Variants in STX18 observed in about 807,000 individuals in gnomAD.
STX18 encodes syntaxin-18.
In STX18, 40 loss-of-function variants were observed where a neutral mutation model predicts 50.1. The ratio of observed to expected loss-of-function variants is 0.80; its 90% CI spans 0.62 to 1.04. STX18 has a LOEUF of 1.04. STX18 is among the 50% of genes least tolerant of loss of function. The pLI is 0.00. For synonymous variants in STX18, 158 were observed against 151.8 expected (o/e 1.04, Z -0.30); for missense variants, 410 against 415.8 (o/e 0.99, Z 0.12).
chr4:4,492,169 A>G (rs180753659), intron 1 of STX18, among the ~76,000 whole-genome samples: 1 of 152,256 alleles, frequency 6.6e-6, no homozygotes, highest in African/African-American at 2.4e-5. Flanking sequence ...CTAGAGATTT[A>G]TATCCCTAGT....
intron 7 of STX18, among the ~76,000 whole-genome samples, chr4:4,431,055 C>T (rs1577315202): frequency 6.6e-6 from 1 of 152,108 alleles, no homozygotes; most frequent in Non-Finnish European, 1.5e-5. Context: ...AGTCACGCAG[C>T]TGTAAAGGTT....
chr4:4,475,042 T>C (rs997426575), intron 1 of STX18, among the ~76,000 whole-genome samples: 8 of 152,182 alleles, frequency 5.3e-5, no homozygotes, highest in African/African-American at 1.9e-4. Context: ...AGGAATCTAC[T>C]GTACAGGTTA....
intron 1 of STX18, among the ~76,000 whole-genome samples, chr4:4,515,832 C>T (rs143118255): frequency 1.6e-3 from 247 of 152,176 alleles, no homozygotes; most frequent in African/African-American, 5.4e-3. Flanking sequence ...GGTAAAATCC[C>T]CTCCCCAACC....
chr4:4,517,612 C>G (rs1385592416), intron 1 of STX18, among the ~76,000 whole-genome samples: 1 of 152,150 alleles, frequency 6.6e-6, no homozygotes, highest in African/African-American at 2.4e-5. Context: ...TTATTTATAA[C>G]CTCTTCCTGT....
intron 1 of STX18, among the ~76,000 whole-genome samples, chr4:4,488,990 T>G (rs1171727097): frequency 1.3e-5 from 2 of 152,182 alleles, no homozygotes; most frequent in African/African-American, 4.8e-5. Flanking sequence ...TAATTTAATC[T>G]CAACTGCTTT....
chr4:4,442,704 C>T (rs1349018059), intron 5 of STX18, among the ~76,000 whole-genome samples: 2 of 149,630 alleles, frequency 1.3e-5, no homozygotes, highest in Non-Finnish European at 3.0e-5. Flanking sequence ...AGTGTATTGG[C>T]GGGTGGGGAG....
intron 5 of STX18, among the ~76,000 whole-genome samples, chr4:4,442,663 A>AT (rs1027621435): frequency 6.6e-6 from 1 of 152,136 alleles, no homozygotes; most frequent in African/African-American, 2.4e-5. Flanking sequence ...GTGGTGGGGC[A>AT]TGTTGATGGC....
intron 5 of STX18, among the ~76,000 whole-genome samples, chr4:4,439,389 TACAC>T (rs1010029421): frequency 7.3e-5 from 7 of 96,290 alleles, no homozygotes; most frequent in South Asian, 3.9e-4. Context: ...ACCCCCTACA[TACAC>T]ACACACACCA....
At chr4:4,532,863 G>T (rs1333282161) in intron 1 of STX18, among the ~76,000 whole-genome samples, 7 of 152,204 alleles carry the variant, frequency 4.6e-5, no homozygotes, top group Admixed American at 2.6e-4. Context: ...AAAGGCAAGT[G>T]TTCATTTCAC....
At chr4:4,515,689 G>C (rs1039654869) in intron 1 of STX18, among the ~76,000 whole-genome samples, 1 of 152,106 alleles carries the variant, frequency 6.6e-6, no homozygotes, top group East Asian at 1.9e-4. Flanking sequence ...GACATTAAGT[G>C]TACAACCCAA....
chr4:4,476,806 G>C (rs966623011), intron 1 of STX18, among the ~76,000 whole-genome samples: 2 of 152,144 alleles, frequency 1.3e-5, no homozygotes, highest in Non-Finnish European at 2.9e-5. Flanking sequence ...TGAGTCCTGA[G>C]TTGCTCAAGG....
At chr4:4,428,418 C>T (rs1725361018) in intron 7 of STX18, among the ~76,000 whole-genome samples, 1 of 152,128 alleles carries the variant, frequency 6.6e-6, no homozygotes, top group Non-Finnish European at 1.5e-5. Flanking sequence ...CTGTCTTTGT[C>T]ACTAAAATGG....
chr4:4,531,315 G>A (rs1045587227), intron 1 of STX18, among the ~76,000 whole-genome samples: 1 of 151,970 alleles, frequency 6.6e-6, no homozygotes, highest in African/African-American at 2.4e-5. Flanking sequence ...TTCACTTCCA[G>A]GTACACAATA....
intron 1 of STX18, among the ~76,000 whole-genome samples, chr4:4,531,865 C>T (rs540929517): frequency 3.9e-5 from 6 of 152,132 alleles, no homozygotes; most frequent in Non-Finnish European, 1.5e-5. Context: ...AAACAAAAAA[C>T]AAACTACATT....
At chr4:4,524,510 C>G (rs1342296834) in intron 1 of STX18, among the ~76,000 whole-genome samples, 1 of 152,176 alleles carries the variant, frequency 6.6e-6, no homozygotes, top group African/African-American at 2.4e-5. Flanking sequence ...AAGTGAAACC[C>G]AGTCAAGCAA....
At chr4:4,440,995 T>C (rs1254383028) in intron 5 of STX18, among the ~76,000 whole-genome samples, 1 of 152,206 alleles carries the variant, frequency 6.6e-6, no homozygotes, top group Non-Finnish European at 1.5e-5. Context: ...GAGGGTTCAC[T>C]TCCAAGGAGG....
At chr4:4,508,878 G>A (rs1729864378) in intron 1 of STX18, among the ~76,000 whole-genome samples, 1 of 152,154 alleles carries the variant, frequency 6.6e-6, no homozygotes, top group Non-Finnish European at 1.5e-5. Flanking sequence ...CCATGTCCCT[G>A]CAAAGGACAT....
rs142144519 is a variant in STX18, at chr4:4,488,197, T to C, written c.169-16491A>G. Among the ~76,000 whole-genome samples, 63 of 152,242 alleles carry C rather than the reference T, an allele frequency of 4.1e-4. 1 individual carries two copies. The highest frequency in any genetic ancestry group is 1.5e-3 in the African/African-American group (62 of 41,544). On this transcript the variant is annotated intron_variant, in intron 1 of 10. Transcript: ENST00000306200. ...ACAGATTAGCAGCATAGTATAAAGT[T>C]TGTGGCAACAAACAGGTTCTATCCA...
intron 7 of STX18, 128 bp downstream of exon 7, chr4:4,434,642 A>G: frequency 1.4e-6 from 1 of 692,868 alleles, no homozygotes; most frequent in Non-Finnish European, 2.3e-6. Flanking sequence ...TATATAAAAT[A>G]CACATTTATA....
Sources: gnomAD v4.1 joint callset for allele counts (sites outside exome capture counted in the v4.1 genomes callset) on GRCh38, gnomAD v4.1.1 for gene constraint, MANE v1.5 for transcripts, NCBI Gene and HGNC (gene_info 2026-07-23, HGNC 2026-07-21) for gene names.